Variants in ARSG observed in about 807,000 individuals in gnomAD.
ARSG encodes ASG.
ARSG carries 37 observed loss-of-function variants against 50.5 expected under a neutral mutation model. The ratio of observed to expected loss-of-function variants is 0.73; its 90% CI spans 0.56 to 0.96. The LOEUF (loss-of-function observed/expected upper bound fraction) is 0.96. Among genes scored for constraint, ARSG ranks in the 50% least tolerant of loss-of-function variants. ARSG has a pLI of 0.00. For synonymous variants in ARSG, 225 were observed against 254.6 expected, an observed-to-expected ratio of 0.88 and a Z score of 1.11; for missense variants, 629 against 675.3, an observed-to-expected ratio of 0.93 and a Z score of 0.76.
chr17:68,259,932 A>C (rs1305811274), intron 1 of ARSG, among the ~76,000 whole-genome samples: 1 of 152,184 alleles, frequency 6.6e-6, no homozygotes, highest in Non-Finnish European at 1.5e-5. Flanking sequence ...ATCTTCTGTC[A>C]GTACAGCCGG....
rs183372422 is a variant in ARSG, at chr17:68,408,109, C to T, written c.1303+6659C>T. Among the ~76,000 whole-genome samples, 21 of 151,332 alleles carry T rather than the reference C, an allele frequency of 1.4e-4. No homozygotes were observed. In the East Asian group the frequency reaches 3.5e-3, roughly 25 times the overall value. On this transcript the variant is annotated intron_variant, in intron 11 of 11. Coordinates refer to ENST00000621439, the MANE Select transcript of ARSG (RefSeq NM_001267727.2). ...ACTAGCCTTTGGCATTAACTAAACA[C>T]TCTCTACATATTTCTTTTTTTATTA... is the stretch of plus-strand genomic sequence containing the variant.
chr17:68,318,089 G>T (rs1192602826), intron 2 of ARSG, among the ~76,000 whole-genome samples: 12 of 121,818 alleles, frequency 9.9e-5, no homozygotes, highest in Non-Finnish European at 1.7e-5. Context: ...ACAAGAGCGA[G>T]ACTCTGTCTT....
At chr17:68,340,180 G>T (rs992976814) in intron 2 of ARSG, among the ~76,000 whole-genome samples, 1 of 152,094 alleles carries the variant, frequency 6.6e-6, no homozygotes, top group Non-Finnish European at 1.5e-5. Context: ...TGTGGAGTTG[G>T]CATAACATTC....
At chr17:68,322,691 C>T (rs1555771022) in intron 2 of ARSG, among the ~76,000 whole-genome samples, 1 of 151,810 alleles carries the variant, frequency 6.6e-6, no homozygotes, top group Non-Finnish European at 1.5e-5. Context: ...CGTTAACAAG[C>T]CCACGGGGAG....
At chr17:68,335,855 G>A (rs541791137) in intron 2 of ARSG, among the ~76,000 whole-genome samples, 15 of 152,262 alleles carry the variant, frequency 9.9e-5, no homozygotes, top group East Asian at 5.8e-4. Flanking sequence ...TGCAGGCATC[G>A]GGGCAGCAGA....
the ARSG span, among the ~76,000 whole-genome samples, chr17:68,443,641 T>C: frequency 2.0e-3 from 308 of 152,276 alleles, 1 homozygote; most frequent in African/African-American, 7.1e-3. Flanking sequence ...AAAGTCTAGG[T>C]GACTTGGATG....
chr17:68,284,464 TG>T (rs1461141739), intron 1 of ARSG, among the ~76,000 whole-genome samples: 2 of 152,298 alleles, frequency 1.3e-5, no homozygotes, highest in East Asian at 3.9e-4. Context: ...TGTATACAGG[TG>T]AATTTTCAGG....
chr17:68,389,516 A>T (rs1239236630), intron 9 of ARSG, among the ~76,000 whole-genome samples: 1 of 152,136 alleles, frequency 6.6e-6, no homozygotes, highest in African/African-American at 2.4e-5. Flanking sequence ...ACAATGCAGG[A>T]AAAAAGTTAA....
chr17:68,267,658 G>T (rs2075199710), intron 1 of ARSG: 1 of 152,164 alleles, frequency 6.6e-6, no homozygotes, highest in African/African-American at 2.4e-5. Context: ...GGTAAAATAG[G>T]TGAGTAAAAA....
chr17:68,324,930 ATGTTTCCCAAATCCTCTTACATAAT>A (rs2077443289), intron 2 of ARSG, among the ~76,000 whole-genome samples: 1 of 152,080 alleles, frequency 6.6e-6, no homozygotes, highest in South Asian at 2.1e-4. Context: ...CCTGTGCTTC[ATGTTTCCCAAATCCTCTTACATAAT>A]GAAATTATCC....
chr17:68,302,296 C>G (rs1250647472), intron 1 of ARSG, among the ~76,000 whole-genome samples: 2 of 152,132 alleles, frequency 1.3e-5, no homozygotes, highest in African/African-American at 4.8e-5. Context: ...ACCTGCTCCC[C>G]CCTGCTCTTT....
chr17:68,408,281 C>G (rs527544711), intron 11 of ARSG, among the ~76,000 whole-genome samples: 116 of 119,754 alleles, frequency 9.7e-4, no homozygotes, highest in Non-Finnish European at 1.7e-3. Context: ...CCCCTCCCCC[C>G]ACCCCACAAC....
intron 1 of ARSG, among the ~76,000 whole-genome samples, chr17:68,273,223 T>C (rs79998154): frequency 6.6e-6 from 1 of 151,600 alleles, no homozygotes; most frequent in African/African-American, 2.4e-5. Flanking sequence ...TTTTTTTTTT[T>C]AAACAGACAG....
In ARSG at chr17:68,381,590, A is replaced by G. The variant is rs62085874; in HGVS notation, c.983-3474A>G. 0.016 allele frequency among the ~76,000 whole-genome samples: 2,500 copies of G among 152,312 alleles called. 34 individuals are homozygous for G. The highest frequency in any genetic ancestry group is 0.037 in the Middle Eastern group (11 of 294). On this transcript the variant is annotated intron_variant, in intron 8 of 11. Transcript: ENST00000621439. The surrounding 1 kb of genome is among the most constrained non-coding windows in gnomAD (Gnocchi z 4.1). ...CTTATAAGGTCATATTTATGATGCT[A>G]TGGCATAGAGGTATAAAGTCGTGGG...
At chr17:68,420,840 C>T, downstream of ARSG, 1 of 208,298 alleles carries the variant, frequency 4.8e-6, no homozygotes, top group Non-Finnish European at 9.7e-6. Flanking sequence ...ACATTCAATA[C>T]ATTTTAGTTT....
upstream of ARSG, among the ~76,000 whole-genome samples, chr17:68,289,824 G>A (rs868958299): frequency 1.6e-4 from 25 of 152,276 alleles, no homozygotes; most frequent in Middle Eastern, 6.8e-3. Flanking sequence ...AAAACTCAGG[G>A]TTAGTGGTAC....
chr17:68,434,315 GCCCACA>G, the ARSG span, among the ~76,000 whole-genome samples: 1 of 152,118 alleles, frequency 6.6e-6, no homozygotes, highest in Admixed American at 6.5e-5. Flanking sequence ...TGTGCCGGCC[GCCCACA>G]CACACATCAA....
At chr17:68,382,774 A>C (rs1175832957) in intron 8 of ARSG, among the ~76,000 whole-genome samples, 2 of 152,158 alleles carry the variant, frequency 1.3e-5, no homozygotes, top group African/African-American at 2.4e-5. Context: ...GCCTGTTCAC[A>C]CTCTAGACCC....
At chr17:68,306,443 G>T (rs1555764103) in intron 1 of ARSG, among the ~76,000 whole-genome samples, 1 of 152,214 alleles carries the variant, frequency 6.6e-6, no homozygotes, top group African/African-American at 2.4e-5. Flanking sequence ...TGTAATCCCA[G>T]CTATGTGGGA....
Sources: allele counts gnomAD v4.1 joint callset (sites outside exome capture counted in the v4.1 genomes callset), GRCh38; gene constraint gnomAD v4.1.1; non-coding constraint Gnocchi (gnomAD v3.1); transcripts MANE v1.5; gene names NCBI Gene and HGNC (gene_info 2026-07-23, HGNC 2026-07-21).